Variants in LOC128125822 observed in about 807,000 individuals in gnomAD.
chr6:63,572,942 G>A, the LOC128125822 span, among the ~76,000 whole-genome samples: 2 of 152,120 alleles, frequency 1.3e-5, no homozygotes, highest in African/African-American at 2.4e-5. Flanking sequence ...GCGGGGTGGC[G>A]GTTGGCCGCC....
chr6:63,576,561 G>C, the LOC128125822 span: 3 of 446,196 alleles, frequency 6.7e-6, no homozygotes, highest in Non-Finnish European at 1.2e-5. Context: ...GCTCCACCAA[G>C]AAGCCCCCAT....
the LOC128125822 span, chr6:63,580,130 T>G: frequency 3.1e-6 from 5 of 1,613,754 alleles, no homozygotes; most frequent in African/African-American, 4.0e-5. Context: ...GCGGCTGCGT[T>G]TCAAAGATTC....
chr6:63,573,596 A>G, the LOC128125822 span: 1 of 152,426 alleles, frequency 6.6e-6, no homozygotes, highest in Non-Finnish European at 1.5e-5. Flanking sequence ...TGCCCGGGCC[A>G]GAGTGGGGTT....
chr6:63,577,286 A>G, the LOC128125822 span, among the ~76,000 whole-genome samples: 1 of 152,122 alleles, frequency 6.6e-6, no homozygotes, highest in African/African-American at 2.4e-5. Context: ...CCATTTATGG[A>G]TTTTTTATAT....
chr6:63,581,519 T>C, the LOC128125822 span: 1 of 152,466 alleles, frequency 6.6e-6, no homozygotes, highest in Non-Finnish European at 1.5e-5. Flanking sequence ...GCACTTCACT[T>C]AATGTGTGTC....
the LOC128125822 span, chr6:63,578,524 G>C: frequency 1.9e-6 from 3 of 1,610,694 alleles, no homozygotes; most frequent in African/African-American, 4.0e-5. Flanking sequence ...AGGTATCCAT[G>C]TTCTTGTAAG....
At chr6:63,579,772 A>G in the LOC128125822 span, among the ~76,000 whole-genome samples, 1 of 152,194 alleles carries the variant, frequency 6.6e-6, no homozygotes, top group Admixed American at 6.5e-5. Context: ...GCAACTTCTG[A>G]CTTCACTATA....
chr6:63,579,642 C>T, the LOC128125822 span, among the ~76,000 whole-genome samples: 1 of 152,158 alleles, frequency 6.6e-6, no homozygotes, highest in Non-Finnish European at 1.5e-5. Flanking sequence ...GCACAGGTCT[C>T]CAAAGGAGAC....
chr6:63,579,610 A>G, the LOC128125822 span, among the ~76,000 whole-genome samples: 1 of 152,254 alleles, frequency 6.6e-6, no homozygotes, highest in East Asian at 1.9e-4. Context: ...TAATTAAGAT[A>G]CATTTAAAGA....
the LOC128125822 span, chr6:63,576,793 A>G: frequency 9.7e-7 from 1 of 1,030,514 alleles, no homozygotes; most frequent in Non-Finnish European, 1.5e-6. Flanking sequence ...AGTATATTGA[A>G]GTAGACTTCA....
the LOC128125822 span, among the ~76,000 whole-genome samples, chr6:63,579,809 AC>A: frequency 6.6e-6 from 1 of 152,200 alleles, no homozygotes; most frequent in Non-Finnish European, 1.5e-5. Context: ...TCGTGGACTT[AC>A]GTGTAAATGG....
the LOC128125822 span, among the ~76,000 whole-genome samples, chr6:63,579,588 T>C: frequency 7.2e-5 from 11 of 152,258 alleles, no homozygotes; most frequent in African/African-American, 2.7e-4. Flanking sequence ...ATTTTGTATT[T>C]TTATTGAGGT....
At chr6:63,579,475 C>A in the LOC128125822 span, 2 of 565,804 alleles carry the variant, frequency 3.5e-6, no homozygotes, top group Non-Finnish European at 5.8e-6. Flanking sequence ...ATCTTACATT[C>A]TTTTTTGCAT....
the LOC128125822 span, chr6:63,572,733 G>A: frequency 2.0e-5 from 8 of 398,272 alleles, no homozygotes; most frequent in Admixed American, 4.4e-5. Context: ...AGTAGCCGTC[G>A]CATCGTCGCC....
chr6:63,581,323 A>G, the LOC128125822 span: 1 of 152,580 alleles, frequency 6.6e-6, no homozygotes, highest in Non-Finnish European at 1.5e-5. Context: ...TAGTTCAACC[A>G]TATATTTATA....
chr6:63,580,230 A>G, the LOC128125822 span: 1 of 1,341,250 alleles, frequency 7.5e-7, no homozygotes, highest in Non-Finnish European at 1.1e-6. Flanking sequence ...CTAATTTGTT[A>G]TACATATTAG....
At chr6:63,578,550 A>G in the LOC128125822 span, 2 of 1,603,220 alleles carry the variant, frequency 1.2e-6, no homozygotes, top group Non-Finnish European at 1.7e-6. Flanking sequence ...AACAGTTCTT[A>G]TGGGTTTATG....
At chr6:63,576,815 T>C in the LOC128125822 span, 1 of 1,315,162 alleles carries the variant, frequency 7.6e-7, no homozygotes, top group Non-Finnish European at 1.1e-6. Context: ...TTTCTTTGCA[T>C]CATTTCTGTA....
the LOC128125822 span, chr6:63,580,176 A>C: frequency 3.7e-6 from 6 of 1,600,892 alleles, no homozygotes; most frequent in Non-Finnish European, 5.1e-6. Context: ...ATTCAATAAA[A>C]TTGGGGTGCC....
Sources: gnomAD v4.1 joint callset for allele counts (sites outside exome capture counted in the v4.1 genomes callset) on GRCh38, gnomAD v4.1.1 for gene constraint, MANE v1.5 for transcripts.